Variants in ABCC1 observed in about 807,000 individuals in gnomAD.
The protein encoded by ABCC1 is multidrug resistance-associated protein 1.
A neutral mutation model predicts 172.9 loss-of-function variants in ABCC1; 83 were observed. The observed-to-expected ratio is 0.48, with a 90% confidence interval of 0.40 to 0.58. The LOEUF (loss-of-function observed/expected upper bound fraction) is 0.58, where lower values mean the gene tolerates loss of function less well. Among genes scored for constraint, ABCC1 ranks in the 20% least tolerant of loss-of-function variants. The pLI is 0.00. For missense variants in ABCC1, 1,817 were observed against 2,002.7 expected (o/e 0.91, Z 1.77); for synonymous variants, 937 against 825.2 (o/e 1.14, Z -2.32).
At chr16:16,009,138 T>G (rs900391914) in intron 2 of ABCC1, among the ~76,000 whole-genome samples, 1 of 152,014 alleles carries the variant, frequency 6.6e-6, no homozygotes, top group Admixed American at 6.6e-5. Context: ...AAACAATTTT[T>G]TGTAGAGACA....
At chr16:16,110,293 A>AG (rs1301511632) in intron 21 of ABCC1, among the ~76,000 whole-genome samples, 1 of 152,160 alleles carries the variant, frequency 6.6e-6, no homozygotes, top group Non-Finnish European at 1.5e-5. Context: ...CATGTTGGCC[A>AG]GGCTGGTCTC....
intron 7 of ABCC1, among the ~76,000 whole-genome samples, chr16:16,043,620 G>A (rs1177896648): frequency 6.9e-6 from 1 of 145,490 alleles, no homozygotes; most frequent in Non-Finnish European, 1.5e-5. Flanking sequence ...CTTTCTTTTT[G>A]AGATGGAGTT....
intron 1 of ABCC1, among the ~76,000 whole-genome samples, chr16:15,965,977 A>T (rs546697192): frequency 6.6e-6 from 1 of 152,228 alleles, no homozygotes; most frequent in African/African-American, 2.4e-5. Flanking sequence ...TGTTCTCAGG[A>T]GTGGAATGAA....
rs201310614 is a variant in ABCC1, at chr16:16,036,544, G to A, written c.750G>A (p.Ser250=). The A allele has an allele frequency of 5.6e-6, 9 of 1,614,116 alleles. No individual in the cohort carries two copies. The East Asian group carries it at 1.3e-4, about 24-fold the overall frequency. ...GGTCCTTAAACAAGGAGGACACGTC[G>A]GAACAAGTCGTGCCTGTTTTGGTAA... ...DLWSLNKEDT[S]EQVVPVLVKN... The change falls in exon 7 of 31, where the codon TCG becomes TCA. Residue 250 remains serine (S), a synonymous_variant. Coordinates refer to ENST00000399410, the MANE Select transcript of ABCC1 (RefSeq NM_004996.4).
chr16:15,998,549 A>G (rs1411940865), intron 1 of ABCC1, among the ~76,000 whole-genome samples: 1 of 152,162 alleles, frequency 6.6e-6, no homozygotes, highest in Non-Finnish European at 1.5e-5. Context: ...GTCATAGTTC[A>G]TGGTCAGAGT....
chr16:15,958,771 A>T (rs900991483), intron 1 of ABCC1, among the ~76,000 whole-genome samples: 1 of 152,084 alleles, frequency 6.6e-6, no homozygotes, highest in African/African-American at 2.4e-5. Flanking sequence ...TACCTCTTAG[A>T]GGCTGAATGG....
chr16:16,000,965 G>A (rs2047287032), intron 1 of ABCC1, among the ~76,000 whole-genome samples: 1 of 152,212 alleles, frequency 6.6e-6, no homozygotes, highest in Non-Finnish European at 1.5e-5. Context: ...GGTGACTGAA[G>A]AAACCATTTA....
At chr16:16,132,269 A>G (rs1567440909) in intron 27 of ABCC1, among the ~76,000 whole-genome samples, 1 of 152,040 alleles carries the variant, frequency 6.6e-6, no homozygotes, top group Non-Finnish European at 1.5e-5. Context: ...AGCCCACTGC[A>G]GCGGCAGCCT....
chr16:16,010,434 G>T (rs893307931), intron 3 of ABCC1, among the ~76,000 whole-genome samples: 1 of 152,172 alleles, frequency 6.6e-6, no homozygotes, highest in Non-Finnish European at 1.5e-5. Context: ...TTGAGTGGCA[G>T]ATGCCCCCTT....
chr16:16,064,546 C>A (rs1198772297), intron 12 of ABCC1, among the ~76,000 whole-genome samples: 4 of 152,216 alleles, frequency 2.6e-5, no homozygotes. Flanking sequence ...TGTGTGTGCC[C>A]TGTGCTGCCA....
intron 7 of ABCC1, among the ~76,000 whole-genome samples, chr16:16,042,498 T>A (rs1324944154): frequency 6.6e-6 from 1 of 151,552 alleles, no homozygotes; most frequent in Non-Finnish European, 1.5e-5. Flanking sequence ...AGGTCAGGAG[T>A]TCAAGACCAG....
At chr16:16,040,958 C>T (rs2048955766) in intron 7 of ABCC1, among the ~76,000 whole-genome samples, 1 of 151,952 alleles carries the variant, frequency 6.6e-6, no homozygotes, top group African/African-American at 2.4e-5. Flanking sequence ...GACAGGGTGT[C>T]ACTCTTTTGT....
intron 5 of ABCC1, among the ~76,000 whole-genome samples, chr16:16,032,491 C>T (rs2048591937): frequency 6.6e-6 from 1 of 152,140 alleles, no homozygotes; most frequent in Non-Finnish European, 1.5e-5. Context: ...ATGCAGGGTG[C>T]TTGGCACAAG....
intron 1 of ABCC1, among the ~76,000 whole-genome samples, chr16:15,987,785 G>A (rs377091253): frequency 3.9e-5 from 6 of 152,144 alleles, no homozygotes; most frequent in African/African-American, 1.4e-4. Flanking sequence ...TTCCTTCCTC[G>A]CTGTCTTCAC....
At chr16:16,131,765 T>A (rs2045682255) in intron 26 of ABCC1, 24 bp from the exon 27 acceptor site, 1 of 1,608,412 alleles carries the variant, frequency 6.2e-7, no homozygotes, top group Non-Finnish European at 8.5e-7. Flanking sequence ...AATTCCTTAC[T>A]CTCTCCCTTC....
intron 24 of ABCC1, among the ~76,000 whole-genome samples, chr16:16,124,377 C>A (rs1401906163): frequency 2.2e-5 from 1 of 44,834 alleles, no homozygotes; most frequent in South Asian, 8.5e-4. Flanking sequence ...CTACGCCCGG[C>A]TGTGTGTGTG....
chr16:16,061,772 C>CT (rs201926082), intron 12 of ABCC1, among the ~76,000 whole-genome samples: 1,752 of 116,184 alleles, frequency 0.015, 25 homozygotes, highest in Non-Finnish European at 0.023. Flanking sequence ...TTCTTTTTTT[C>CT]TTTTTTTTTT....
Position 16,056,300 on chromosome 16 carries a change from G to A in ABCC1, c.1677+5G>A. On this transcript the variant is annotated splice_donor_5th_base_variant and intron_variant, in intron 12 of 30. Coordinates refer to ENST00000399410, the MANE Select transcript of ABCC1 (RefSeq NM_004996.4). ...TGGGTCTGCACGCCCTTTCTGGTGAGTGAAGCCACATTTTTCCTGGCCCTC... is the reference window on the plus strand; with the variant it reads ...TGGGTCTGCACGCCCTTTCTGGTGAATGAAGCCACATTTTTCCTGGCCCTC... The A allele has an allele frequency of 6.2e-7, 1 of 1,614,094 alleles. No individual in the cohort carries two copies. Among genetic ancestry groups the A allele is most frequent in the Non-Finnish European group, 8.5e-7 (1 of 1,179,984 alleles).
chr16:16,042,843 C>T (rs1175367890), intron 7 of ABCC1, among the ~76,000 whole-genome samples: 1 of 152,032 alleles, frequency 6.6e-6, no homozygotes, highest in Non-Finnish European at 1.5e-5. Flanking sequence ...GTTGTGCAGT[C>T]ATCATCACAG....
Sources: allele counts gnomAD v4.1 joint callset (sites outside exome capture counted in the v4.1 genomes callset), GRCh38; gene constraint gnomAD v4.1.1; transcripts MANE v1.5; gene names NCBI Gene and HGNC (gene_info 2026-07-23, HGNC 2026-07-21).